The following GRIK4 variants were observed in gnomAD, a reference collection of about 807,000 sequenced individuals.
The protein encoded by GRIK4 is glutamate ionotropic receptor kainate type subunit 4.
GRIK4 carries 40 observed loss-of-function variants against 104.9 expected under a neutral mutation model. The ratio of observed to expected loss-of-function variants is 0.38; its 90% CI spans 0.30 to 0.50. The LOEUF is 0.50. Ranked by LOEUF, GRIK4 falls within the 20% of genes least tolerant of loss-of-function variation. GRIK4 has a pLI of 0.93. For synonymous variants in GRIK4, 485 were observed against 524.9 expected, an observed-to-expected ratio of 0.92 and a Z score of 1.04; for missense variants, 1,047 against 1,308.1, an observed-to-expected ratio of 0.80 and a Z score of 3.08.
chr11:120,590,851 TG>T (rs1158141614), intron 1 of GRIK4, among the ~76,000 whole-genome samples: 1 of 152,140 alleles, frequency 6.6e-6, no homozygotes, highest in Non-Finnish European at 1.5e-5. Flanking sequence ...AGATGGGTAC[TG>T]CTATCTCTGT....
At chr11:120,602,451 T>C (rs1409095984) in intron 1 of GRIK4, among the ~76,000 whole-genome samples, 1 of 152,124 alleles carries the variant, frequency 6.6e-6, no homozygotes, top group Non-Finnish European at 1.5e-5. Flanking sequence ...AAGGAAGGAA[T>C]TGGCCTGGCA....
chr11:120,964,657 T>C (rs896401132), intron 18 of GRIK4, among the ~76,000 whole-genome samples: 1 of 152,190 alleles, frequency 6.6e-6, no homozygotes, highest in Non-Finnish European at 1.5e-5. Context: ...TGGGGTAAGA[T>C]AGACCACAAC....
intron 3 of GRIK4, among the ~76,000 whole-genome samples, chr11:120,801,387 T>C (rs748031336): frequency 1.3e-5 from 2 of 152,120 alleles, no homozygotes; most frequent in Non-Finnish European, 2.9e-5. Flanking sequence ...CCACCACACC[T>C]GGCTAATTTT....
At chr11:120,759,516 T>A (rs1211565896) in intron 3 of GRIK4, among the ~76,000 whole-genome samples, 1 of 148,366 alleles carries the variant, frequency 6.7e-6, no homozygotes, top group African/African-American at 2.5e-5. Flanking sequence ...TCAGTAGCAT[T>A]TTTTTTTTTT....
At chr11:120,898,443 G>A (rs1306545950) in intron 11 of GRIK4, 89 bp from the exon 12 acceptor site, 4 of 746,714 alleles carry the variant, frequency 5.4e-6, no homozygotes, top group Non-Finnish European at 9.6e-6. Context: ...CTCACATGCA[G>A]CCCAGCCAGA....
rs372463256 is a variant in GRIK4, at chr11:120,815,367, G to A, written c.248-11G>A. ...CTTTGCTTCTTTCCCTGTCCCTGCC[G>A]CTGGCTGCAGTGTGTCAGATCCTCC... On this transcript the variant is annotated splice_polypyrimidine_tract_variant and intron_variant, in intron 4 of 20. Transcript: ENST00000527524. 97 of 1,500,390 alleles carry A rather than the reference G, an allele frequency of 6.5e-5. No individual in the cohort carries two copies. Among genetic ancestry groups the A allele is most frequent in the Admixed American group, 1.4e-4 (7 of 50,712 alleles). The allele number at this position is 1,500,390 out of a possible 1,614,324, so 92.9% of individuals were successfully genotyped here.
rs528814596 is a variant in GRIK4 at position 120,577,168 on chromosome 11, T to C, written c.-159+65281T>C. ...ATGGCATGTTTCTTTCAAGGAAAGATTCTGTCCTCACCTTGGTGCATATGT... is the reference window on the plus strand; with the variant it reads ...ATGGCATGTTTCTTTCAAGGAAAGACTCTGTCCTCACCTTGGTGCATATGT... On this transcript the variant is annotated intron_variant, in intron 1 of 20. Transcript: ENST00000527524. Among the ~76,000 whole-genome samples, 15 of 152,322 alleles carry C rather than the reference T, an allele frequency of 9.8e-5. No individual in the cohort carries two copies. In the South Asian group the frequency reaches 3.1e-3, roughly 32 times the overall value.
chr11:120,899,831 T>C (rs1358949556), intron 12 of GRIK4, among the ~76,000 whole-genome samples: 1 of 152,182 alleles, frequency 6.6e-6, no homozygotes, highest in African/African-American at 2.4e-5. Context: ...CTCAATGATA[T>C]CATTGCAGCC....
At chr11:120,922,523 C>T (rs1209982233) in intron 13 of GRIK4, among the ~76,000 whole-genome samples, 1 of 152,232 alleles carries the variant, frequency 6.6e-6, no homozygotes, top group Non-Finnish European at 1.5e-5. Flanking sequence ...TCCCTCTGCC[C>T]TCTGGCCATC....
chr11:120,830,957 C>A (rs954354761), intron 6 of GRIK4, among the ~76,000 whole-genome samples: 1 of 151,644 alleles, frequency 6.6e-6, no homozygotes, highest in Non-Finnish European at 1.5e-5. Flanking sequence ...AATTAAGACC[C>A]TCATGTCTCA....
At chr11:120,556,987 C>T (rs1206930410) in intron 1 of GRIK4, among the ~76,000 whole-genome samples, 2 of 152,126 alleles carry the variant, frequency 1.3e-5, no homozygotes, top group African/African-American at 4.8e-5. Flanking sequence ...TGTGAGTTAA[C>T]ATCCCTCCTG....
At chr11:120,855,531 T>C (rs1348786994) in intron 8 of GRIK4, among the ~76,000 whole-genome samples, 1 of 151,596 alleles carries the variant, frequency 6.6e-6, no homozygotes, top group Non-Finnish European at 1.5e-5. Flanking sequence ...TCAACACAAA[T>C]AGCCAGACCA....
At chr11:120,773,761 T>A (rs970485497) in intron 3 of GRIK4, among the ~76,000 whole-genome samples, 2 of 152,092 alleles carry the variant, frequency 1.3e-5, no homozygotes, top group African/African-American at 4.8e-5. Context: ...TTAGAAAAAA[T>A]TGTCCCCTGG....
At chr11:120,571,677 C>T (rs1412286450) in intron 1 of GRIK4, among the ~76,000 whole-genome samples, 2 of 152,082 alleles carry the variant, frequency 1.3e-5, no homozygotes, top group Non-Finnish European at 2.9e-5. Context: ...CTGGCCCACC[C>T]CCCTCATCTC....
At chr11:120,862,416 G>A (rs1954287427) in intron 9 of GRIK4, 1 of 289,312 alleles carries the variant, frequency 3.5e-6, no homozygotes. Context: ...AGCTGCCTGA[G>A]TTTAGGATCC....
Position 120,830,023 on chromosome 11 carries a change from C to T in GRIK4, c.512-1829C>T, listed in dbSNP as rs377522008. Among the ~76,000 whole-genome samples, 115 of 152,240 alleles carry T rather than the reference C, an allele frequency of 7.6e-4. 3 individuals are homozygous for T. In the South Asian group the frequency reaches 0.023, roughly 30 times the overall value. Reference sequence around the variant, plus strand: ...GTTTCTGAAGCATCTTAATAAATAACAGGCCTTCCCAGGGCTTCTTCCCAA... The same window carrying T: ...GTTTCTGAAGCATCTTAATAAATAATAGGCCTTCCCAGGGCTTCTTCCCAA... On this transcript the variant is annotated intron_variant, in intron 6 of 20. Transcript: ENST00000527524.
intron 3 of GRIK4, among the ~76,000 whole-genome samples, chr11:120,739,241 T>A (rs1202110578): frequency 2.0e-5 from 3 of 152,192 alleles, no homozygotes; most frequent in African/African-American, 7.2e-5. Context: ...GAAATAATAG[T>A]AGTGCCTGCT....
chr11:120,558,855 T>G (rs1430170300), intron 1 of GRIK4, among the ~76,000 whole-genome samples: 2 of 152,228 alleles, frequency 1.3e-5, no homozygotes, highest in African/African-American at 2.4e-5. Context: ...AGATTGGACC[T>G]TCTCTTGTGT....
chr11:120,714,625 T>C (rs1950795704), intron 3 of GRIK4, among the ~76,000 whole-genome samples: 1 of 152,238 alleles, frequency 6.6e-6, no homozygotes, highest in Non-Finnish European at 1.5e-5. Context: ...CAAGGCCCTG[T>C]GACCTGGTCT....
Sources: allele counts gnomAD v4.1 joint callset (sites outside exome capture counted in the v4.1 genomes callset), GRCh38; gene constraint gnomAD v4.1.1; transcripts MANE v1.5; gene names NCBI Gene and HGNC (gene_info 2026-07-23, HGNC 2026-07-21).